The following GRM8 variants were observed in gnomAD, a reference collection of about 807,000 sequenced individuals.
The protein encoded by GRM8 is metabotropic glutamate receptor 8.
In GRM8, 47 loss-of-function variants were observed where a neutral mutation model predicts 87.2. The observed-to-expected ratio is 0.54, with a 90% CI of 0.43 to 0.69. The LOEUF (loss-of-function observed/expected upper bound fraction) is 0.69, where lower values mean the gene tolerates loss of function less well. GRM8 is among the 30% of genes least tolerant of loss of function. The pLI, the probability that GRM8 is intolerant of heterozygous loss-of-function variation, is 0.00. For synonymous variants in GRM8, 396 were observed against 404.5 expected (o/e 0.98, Z 0.25); for missense variants, 1,019 against 1,139.2 (o/e 0.89, Z 1.52).
chr7:127,033,302 T>A (rs1817561901), intron 3 of GRM8, among the ~76,000 whole-genome samples: 1 of 152,042 alleles, frequency 6.6e-6, no homozygotes, highest in South Asian at 2.1e-4. Flanking sequence ...AATTTTTTTT[T>A]AAGTTTTTCC....
intron 3 of GRM8, among the ~76,000 whole-genome samples, chr7:126,971,095 C>T (rs1309405561): frequency 1.4e-5 from 2 of 145,476 alleles, no homozygotes; most frequent in Non-Finnish European, 3.0e-5. Flanking sequence ...TGAACACACG[C>T]TGTTGGAAAA....
intron 7 of GRM8, among the ~76,000 whole-genome samples, chr7:126,673,378 A>G (rs959912307): frequency 6.6e-6 from 1 of 152,160 alleles, no homozygotes; most frequent in Non-Finnish European, 1.5e-5. Context: ...AGTGGGAGAT[A>G]ATGGATTTAG....
chr7:126,959,913 T>C lies in GRM8; in HGVS notation c.728-55230A>G, dbSNP rs149836728. 8.3e-4 allele frequency among the ~76,000 whole-genome samples: 126 copies of C among 152,312 alleles called. 2 individuals are homozygous for C. The highest frequency in any genetic ancestry group is 2.8e-3 in the African/African-American group (118 of 41,576). On this transcript the variant is annotated intron_variant, in intron 3 of 10. Coordinates refer to ENST00000339582, the MANE Select transcript of GRM8 (RefSeq NM_000845.3). ...ATCCTCTCTAAACTCAGCTTCCTCATCTGTAAGAGCCAGTTGTTGCAAAGA... is the reference window on the plus strand; with the variant it reads ...ATCCTCTCTAAACTCAGCTTCCTCACCTGTAAGAGCCAGTTGTTGCAAAGA...
At chr7:126,571,177 A>G (rs1460184175) in intron 8 of GRM8, among the ~76,000 whole-genome samples, 1 of 152,202 alleles carries the variant, frequency 6.6e-6, no homozygotes, top group Non-Finnish European at 1.5e-5. Context: ...AAAGGAAATC[A>G]TTACTAATAC....
intron 2 of GRM8, among the ~76,000 whole-genome samples, chr7:127,107,663 C>T (rs1429838174): frequency 1.3e-5 from 2 of 152,160 alleles, no homozygotes; most frequent in Admixed American, 6.6e-5. Context: ...AAGAGGATGT[C>T]GGAGTTGCAG....
intron 2 of GRM8, among the ~76,000 whole-genome samples, chr7:127,112,016 C>T (rs1057325417): frequency 3.5e-4 from 34 of 97,726 alleles, no homozygotes; most frequent in African/African-American, 1.7e-3. Flanking sequence ...AAGAGCAAAA[C>T]TCTGTCTCAA....
intron 7 of GRM8, among the ~76,000 whole-genome samples, chr7:126,714,208 G>A (rs1811455277): frequency 1.3e-5 from 2 of 150,540 alleles, no homozygotes; most frequent in Admixed American, 6.6e-5. Flanking sequence ...AAGCCAGGAG[G>A]CAGAGGTTGT....
chr7:126,473,946 G>A (rs2150568073), intron 9 of GRM8, among the ~76,000 whole-genome samples: 1 of 152,194 alleles, frequency 6.6e-6, no homozygotes, highest in East Asian at 1.9e-4. Flanking sequence ...TGCCTCCCAA[G>A]CCATGTGGAA....
intron 6 of GRM8, among the ~76,000 whole-genome samples, chr7:126,833,018 C>T (rs1795536009): frequency 6.6e-6 from 1 of 152,142 alleles, no homozygotes; most frequent in African/African-American, 2.4e-5. Context: ...ACTGGGAGGT[C>T]ACATGGTATT....
intron 7 of GRM8, among the ~76,000 whole-genome samples, chr7:126,717,372 C>T (rs1388896900): frequency 6.6e-6 from 1 of 152,086 alleles, no homozygotes; most frequent in Non-Finnish European, 1.5e-5. Context: ...ATGTAGCATG[C>T]ATGTGAGCCA....
intron 3 of GRM8, among the ~76,000 whole-genome samples, chr7:127,014,122 T>G (rs1483602477): frequency 6.6e-6 from 1 of 152,138 alleles, no homozygotes; most frequent in Non-Finnish European, 1.5e-5. Context: ...TGGTAATTGA[T>G]AATGACAAGG....
At chr7:127,083,375 C>T (rs964174364) in intron 3 of GRM8, among the ~76,000 whole-genome samples, 1 of 152,080 alleles carries the variant, frequency 6.6e-6, no homozygotes, top group African/African-American at 2.4e-5. Flanking sequence ...TCATCTCCAT[C>T]CTTGCAACCA....
At chr7:127,175,093 G>C (rs1794021944) in intron 2 of GRM8, among the ~76,000 whole-genome samples, 1 of 152,062 alleles carries the variant, frequency 6.6e-6, no homozygotes, top group South Asian at 2.1e-4. Context: ...CACTCATGAA[G>C]CTTACCCACC....
At chr7:126,647,188 T>TCCCACAGCCCC (rs1803210316) in intron 7 of GRM8, among the ~76,000 whole-genome samples, 1 of 152,038 alleles carries the variant, frequency 6.6e-6, no homozygotes, top group Admixed American at 6.6e-5. Context: ...CCCCACAGCT[T>TCCCACAGCCCC]AAGGCCAGCC....
At chr7:126,637,031 T>C (rs374116572) in intron 7 of GRM8, among the ~76,000 whole-genome samples, 1 of 152,086 alleles carries the variant, frequency 6.6e-6, no homozygotes, top group Non-Finnish European at 1.5e-5. Flanking sequence ...AATTATCTCA[T>C]TGGAGAGGAG....
chr7:126,489,620 C>A (rs555440752), intron 9 of GRM8, among the ~76,000 whole-genome samples: 46 of 152,128 alleles, frequency 3.0e-4, no homozygotes, highest in African/African-American at 1.1e-3. Flanking sequence ...TGTAAAAAAT[C>A]TTTAGACTTT....
rs548800376 is a variant in GRM8 at position 126,538,210 on chromosome 7, C to T, written c.1495-4323G>A. On this transcript the variant is annotated intron_variant, in intron 8 of 10. Coordinates refer to ENST00000339582, the MANE Select transcript of GRM8 (RefSeq NM_000845.3). Reference sequence around the variant, plus strand: ...TATTGCAGACAAGTACACAAAGAATCGTGAAACCAAAGTTTCCGGGTGAGT... The same window carrying T: ...TATTGCAGACAAGTACACAAAGAATTGTGAAACCAAAGTTTCCGGGTGAGT... 4.6e-5 allele frequency among the ~76,000 whole-genome samples: 7 copies of T among 152,270 alleles called. No homozygotes were observed. In the East Asian group the frequency reaches 1.2e-3, roughly 25 times the overall value.
At chr7:127,204,342 G>T (rs1310582334) in intron 2 of GRM8, among the ~76,000 whole-genome samples, 1 of 152,176 alleles carries the variant, frequency 6.6e-6, no homozygotes, top group Non-Finnish European at 1.5e-5. Context: ...AATGTGGTCA[G>T]GAAAGCAGCT....
chr7:126,775,707 G>A (rs1353827102), intron 6 of GRM8, among the ~76,000 whole-genome samples: 1 of 152,006 alleles, frequency 6.6e-6, no homozygotes, highest in Non-Finnish European at 1.5e-5. Flanking sequence ...AGAAGCAGCT[G>A]GCTAGGGGAG....
Sources: allele counts gnomAD v4.1 joint callset (sites outside exome capture counted in the v4.1 genomes callset), GRCh38; gene constraint gnomAD v4.1.1; transcripts MANE v1.5; gene names NCBI Gene and HGNC (gene_info 2026-07-23, HGNC 2026-07-21).